JAKMIP2: variants seen among roughly 807,000 people sequenced by gnomAD.
JAKMIP2 encodes the protein janus kinase and microtubule-interacting protein 2.
Under a neutral mutation model 115.0 loss-of-function variants are expected in JAKMIP2, and 25 were observed. The observed-to-expected ratio is 0.22, with a 90% CI of 0.16 to 0.30. The LOEUF is 0.30. Ranked by LOEUF, JAKMIP2 falls within the 10% of genes least tolerant of loss-of-function variation. The pLI, the probability that JAKMIP2 is intolerant of heterozygous loss-of-function variation, is 1.00. For missense variants in JAKMIP2, 642 were observed against 957.6 expected (o/e 0.67, Z 4.35); for synonymous variants, 334 against 343.6 (o/e 0.97, Z 0.31).
chr5:147,637,561 T>C (rs916737807), intron 10 of JAKMIP2, among the ~76,000 whole-genome samples: 2 of 150,720 alleles, frequency 1.3e-5, no homozygotes, highest in Admixed American at 6.7e-5. Flanking sequence ...CGCTTCAGCC[T>C]CCCAAATAGC....
At chr5:147,698,205 C>G (rs1752182438) in intron 1 of JAKMIP2, among the ~76,000 whole-genome samples, 1 of 152,136 alleles carries the variant, frequency 6.6e-6, no homozygotes, top group South Asian at 2.1e-4. Context: ...TTGCATGACC[C>G]CATAGCCTCT....
intron 3 of JAKMIP2, among the ~76,000 whole-genome samples, chr5:147,655,761 CT>C (rs1164628127): frequency 6.6e-6 from 1 of 152,074 alleles, no homozygotes; most frequent in Admixed American, 6.6e-5. Flanking sequence ...GCTCTTTCTT[CT>C]CTAGTTCTTT....
At chr5:147,650,734 T>C (rs1331508358) in intron 3 of JAKMIP2, among the ~76,000 whole-genome samples, 187 bp from the exon 4 acceptor site, 2 of 152,126 alleles carry the variant, frequency 1.3e-5, no homozygotes, top group African/African-American at 4.8e-5. Context: ...CTGGGTTAAT[T>C]AGGTGTCAAG....
In JAKMIP2 at chr5:147,773,930, C is replaced by G. The variant is rs1199266053; in HGVS notation, c.-149+8526G>C. ...TGAAATTGATTGGGGGAAGGCATTC[C>G]TTTCTACTTCATTTTTAAAAAGCTG... On this transcript the variant is annotated intron_variant, in intron 1 of 21. Transcript: ENST00000616793. Among the ~76,000 whole-genome samples, 3 of 152,020 alleles carry G rather than the reference C, an allele frequency of 2.0e-5. No homozygotes were observed. The East Asian group carries it at 5.8e-4, about 29-fold the overall frequency.
chr5:147,676,301 G>A (rs13188196), intron 1 of JAKMIP2, among the ~76,000 whole-genome samples: 22,874 of 152,084 alleles, frequency 0.15, 2,266 homozygotes, highest in East Asian at 0.44. Flanking sequence ...ACGCCACTGC[G>A]CTCCAGCCTG....
chr5:147,705,403 G>C (rs540018586), intron 1 of JAKMIP2, among the ~76,000 whole-genome samples: 1 of 152,180 alleles, frequency 6.6e-6, no homozygotes, highest in Non-Finnish European at 1.5e-5. Flanking sequence ...AGGAGTTTGA[G>C]ACCAGCCTGT....
chr5:147,759,396 T>C (rs1021215706), intron 1 of JAKMIP2, among the ~76,000 whole-genome samples: 1 of 152,084 alleles, frequency 6.6e-6, no homozygotes, highest in African/African-American at 2.4e-5. Flanking sequence ...CAAGAAGAAA[T>C]GTTTATGTGA....
At chr5:147,744,966 G>A (rs999715884) in intron 1 of JAKMIP2, among the ~76,000 whole-genome samples, 2 of 151,260 alleles carry the variant, frequency 1.3e-5, no homozygotes, top group Non-Finnish European at 2.9e-5. Flanking sequence ...AATGAGGCAG[G>A]AGAATCGCTT....
At chr5:147,753,066 C>T (rs75462623) in intron 1 of JAKMIP2, among the ~76,000 whole-genome samples, 1 of 152,112 alleles carries the variant, frequency 6.6e-6, no homozygotes, top group Admixed American at 6.5e-5. Context: ...AGCCATGTGA[C>T]CAATGGCATT....
intron 2 of JAKMIP2, among the ~76,000 whole-genome samples, chr5:147,666,572 T>C (rs1401677084): frequency 6.6e-6 from 1 of 152,206 alleles, no homozygotes; most frequent in Non-Finnish European, 1.5e-5. Flanking sequence ...GAAGTCTTTG[T>C]TTCATCACAA....
At chr5:147,633,220 A>C (rs187156461) in intron 12 of JAKMIP2, among the ~76,000 whole-genome samples, 1 of 152,360 alleles carries the variant, frequency 6.6e-6, no homozygotes, top group African/African-American at 2.4e-5. Context: ...TTACTACAGA[A>C]GAAACCAGCT....
At chr5:147,738,166 TC>T (rs984080629) in intron 1 of JAKMIP2, among the ~76,000 whole-genome samples, 14 of 152,268 alleles carry the variant, frequency 9.2e-5, no homozygotes, top group African/African-American at 3.4e-4. Flanking sequence ...CATTTTTTTT[TC>T]CCACTTAAAA....
intron 1 of JAKMIP2, among the ~76,000 whole-genome samples, chr5:147,761,280 A>C (rs1754921518): frequency 6.6e-6 from 1 of 152,146 alleles, no homozygotes; most frequent in Non-Finnish European, 1.5e-5. Context: ...ATAGTTAATA[A>C]ATATCTACAT....
chr5:147,640,678 T>C lies in JAKMIP2; in HGVS notation c.1401+26A>G, dbSNP rs1003925632. ...CAAAGATTTGGTGACAATATCACCC[T>C]AGGCTAGAGAAGTAGAAAAGCTTAC... On this transcript the variant is annotated intron_variant, in intron 9 of 21. Transcript: ENST00000616793. The C allele has an allele frequency of 6.8e-6, 11 of 1,612,024 alleles. No individual in the cohort carries two copies. The East Asian group carries it at 2.2e-4, about 33-fold the overall frequency.
Position 147,747,983 on chromosome 5 carries a change from T to A in JAKMIP2, c.-149+34473A>T, listed in dbSNP as rs1754408086. 2.0e-5 allele frequency among the ~76,000 whole-genome samples: 3 copies of A among 152,228 alleles called. No homozygotes were observed. The South Asian group carries it at 6.2e-4, about 32-fold the overall frequency. The stretch of plus-strand genomic sequence containing the variant: ...TCTGCTGCCTGTTCTGAGGGGCCAT[T>A]TTTCCATACTTTATTATTGATAACA... On this transcript the variant is annotated intron_variant, in intron 1 of 21. Coordinates refer to ENST00000616793, the MANE Select transcript of JAKMIP2 (RefSeq NM_001270941.2).
intron 15 of JAKMIP2, among the ~76,000 whole-genome samples, chr5:147,629,102 G>A (rs1263346033): frequency 1.3e-5 from 2 of 152,000 alleles, no homozygotes; most frequent in Non-Finnish European, 2.9e-5. Flanking sequence ...AACCAAAATG[G>A]AATAAAAAAC....
At chr5:147,619,348 C>T (rs962339124) in intron 18 of JAKMIP2, among the ~76,000 whole-genome samples, 3 of 146,872 alleles carry the variant, frequency 2.0e-5, no homozygotes, top group Non-Finnish European at 2.9e-5. Context: ...GCAAAACTCA[C>T]TTCCTTCTCT....
At chr5:147,651,625 G>GA (rs936575072) in intron 3 of JAKMIP2, among the ~76,000 whole-genome samples, 41 of 149,150 alleles carry the variant, frequency 2.7e-4, no homozygotes, top group African/African-American at 5.1e-4. Context: ...TCTTAGACCA[G>GA]AAAAAAAAAA....
intron 1 of JAKMIP2, among the ~76,000 whole-genome samples, chr5:147,714,160 A>G (rs1476483743): frequency 1.3e-5 from 2 of 152,204 alleles, no homozygotes; most frequent in African/African-American, 2.4e-5. Flanking sequence ...ACAGAAACAC[A>G]CAAAGACTTC....
Sources: gnomAD v4.1 joint callset for allele counts (sites outside exome capture counted in the v4.1 genomes callset) on GRCh38, gnomAD v4.1.1 for gene constraint, MANE v1.5 for transcripts, NCBI Gene and HGNC (gene_info 2026-07-23, HGNC 2026-07-21) for gene names.